MYO5B: variants seen among roughly 807,000 people sequenced by gnomAD.
The protein encoded by MYO5B is myosin VB, also known as unconventional myosin-Vb.
Under a neutral mutation model 229.3 loss-of-function variants are expected in MYO5B, and 143 were observed. The observed-to-expected ratio is 0.62, with a 90% CI of 0.54 to 0.72. The LOEUF (loss-of-function observed/expected upper bound fraction) is 0.72. Ranked by LOEUF, MYO5B falls within the 30% of genes least tolerant of loss-of-function variation. The probability of loss-of-function intolerance (pLI) is 0.00; values close to 1 mark genes in which losing one functional copy is unlikely to be tolerated. For missense variants in MYO5B, 2,321 were observed against 2,331.0 expected (o/e 1.00, Z 0.09); for synonymous variants, 918 against 885.2 (o/e 1.04, Z -0.66).
At chr18:49,888,546 C>T (rs1267860341) in intron 22 of MYO5B, among the ~76,000 whole-genome samples, 1 of 152,166 alleles carries the variant, frequency 6.6e-6, no homozygotes, top group Non-Finnish European at 1.5e-5. Context: ...AAGAGTTCTA[C>T]GTTGCCAAAA....
chr18:49,931,279 C>A (rs1468489075), intron 16 of MYO5B, among the ~76,000 whole-genome samples: 1 of 152,266 alleles, frequency 6.6e-6, no homozygotes, highest in Non-Finnish European at 1.5e-5. Flanking sequence ...CGTTGCACAT[C>A]AGCCCTGGGT....
At chr18:49,862,347 A>G (rs1171633870) in intron 29 of MYO5B, among the ~76,000 whole-genome samples, 2 of 152,170 alleles carry the variant, frequency 1.3e-5, no homozygotes, top group East Asian at 1.9e-4. Context: ...GAAGCAGATG[A>G]TAACAACAGT....
chr18:50,134,600 ATAAT>A (rs1470853662), intron 1 of MYO5B, among the ~76,000 whole-genome samples: 7 of 134,590 alleles, frequency 5.2e-5, no homozygotes, highest in Non-Finnish European at 9.8e-5. Flanking sequence ...AAATAAATAA[ATAAT>A]AGCAGCCTCA....
At chr18:50,000,100 A>G (rs916664600) in intron 5 of MYO5B, among the ~76,000 whole-genome samples, 1 of 152,224 alleles carries the variant, frequency 6.6e-6, no homozygotes. Flanking sequence ...TGGATAATCA[A>G]TGAACCCCTG....
At chr18:49,845,729 T>C (rs2024117134) in intron 33 of MYO5B, among the ~76,000 whole-genome samples, 2 of 152,308 alleles carry the variant, frequency 1.3e-5, no homozygotes, top group South Asian at 2.1e-4. Context: ...TCTAAGACTC[T>C]TCCTGGCTCT....
At chr18:49,935,116 T>C (rs1207872202) in intron 16 of MYO5B, among the ~76,000 whole-genome samples, 6 of 151,574 alleles carry the variant, frequency 4.0e-5, no homozygotes, top group Non-Finnish European at 8.8e-5. Flanking sequence ...TGGAACAAGG[T>C]GAATAAGGAA....
intron 27 of MYO5B, among the ~76,000 whole-genome samples, chr18:49,868,334 C>T (rs1014405102): frequency 5.9e-5 from 9 of 152,036 alleles, no homozygotes; most frequent in Non-Finnish European, 8.8e-5. Context: ...AAAAAACACT[C>T]GAAGGATCTT....
intron 1 of MYO5B, among the ~76,000 whole-genome samples, chr18:50,171,782 G>T (rs1174994520): frequency 7.9e-6 from 1 of 127,262 alleles, no homozygotes; most frequent in Non-Finnish European, 1.7e-5. Context: ...ACCATAAATG[G>T]TTATTGTTTA....
At chr18:50,032,685 G>A (rs2026402789) in intron 4 of MYO5B, among the ~76,000 whole-genome samples, 1 of 152,182 alleles carries the variant, frequency 6.6e-6, no homozygotes, top group East Asian at 1.9e-4. Context: ...GTAAGCTTTT[G>A]TGTAAATATG....
chr18:50,039,045 T>C (rs576379729), intron 3 of MYO5B, among the ~76,000 whole-genome samples: 2 of 151,838 alleles, frequency 1.3e-5, no homozygotes, highest in South Asian at 4.2e-4. Context: ...CAAACCAAAG[T>C]GGAATATAAA....
chr18:49,913,032 TC>T lies in MYO5B; in HGVS notation c.2091-860del, dbSNP rs544638565. Among the ~76,000 whole-genome samples the T allele has an allele frequency of 5.7e-3, 866 of 152,322 alleles. 6 individuals carry two copies. Among genetic ancestry groups the T allele is most frequent in the Non-Finnish European group, 9.2e-3 (628 of 68,030 alleles). ...TAATCAGTATAGAAGGAACCATTTT[TC>T]TCCCCAAAGTAGATTTTGCTTATGA... On this transcript the variant is annotated intron_variant, in intron 17 of 39. Coordinates refer to ENST00000285039, the MANE Select transcript of MYO5B (RefSeq NM_001080467.3).
At chr18:50,001,019 G>A (rs1378353867) in intron 5 of MYO5B, among the ~76,000 whole-genome samples, 1 of 152,204 alleles carries the variant, frequency 6.6e-6, no homozygotes, top group Non-Finnish European at 1.5e-5. Context: ...ACAGCATTCA[G>A]CAGAGTCAAG....
In MYO5B at chr18:50,118,281, C is replaced by T. The variant is rs1403875783; in HGVS notation, c.28-62903G>A. Reference sequence around the variant, plus strand: ...ATAGGACCAGCAGACCTATGGCTGCCGCTGCAGAAAAACAAATCTTAGATA... The same window carrying T: ...ATAGGACCAGCAGACCTATGGCTGCTGCTGCAGAAAAACAAATCTTAGATA... On this transcript the variant is annotated intron_variant, in intron 1 of 39. Transcript: ENST00000285039. 2.0e-5 allele frequency among the ~76,000 whole-genome samples: 3 copies of T among 152,258 alleles called. No homozygotes were observed. The East Asian group carries it at 5.8e-4, about 29-fold the overall frequency.
rs375397981 is a variant in MYO5B, at chr18:49,879,069, A to G, written c.3152T>C (p.Val1051Ala). The change falls in exon 24 of 40, where the codon GTG becomes GCG. Residue 1051 changes from valine to alanine, a missense_variant. Val to Ala is a moderately conservative substitution (Grantham distance 64). Transcript: ENST00000285039. ...TTCTTTCTTCATGAGATTTTCCTTCACAGAGTTCTGGGCAAATTCATCTGG... is the reference window on the plus strand; with the variant it reads ...TTCTTTCTTCATGAGATTTTCCTTCGCAGAGTTCTGGGCAAATTCATCTGG... The part of the protein sequence containing the change: ...QSKDEFAQNS[V>A]KENLMKKELE... 8.1e-6 allele frequency: 13 copies of G among 1,613,842 alleles called. No individual in the cohort carries two copies. Among genetic ancestry groups the G allele is most frequent in the African/African-American group, 4.0e-5 (3 of 74,818 alleles).
intron 14 of MYO5B, among the ~76,000 whole-genome samples, chr18:49,939,038 G>A (rs116992562): frequency 3.9e-5 from 6 of 152,068 alleles, no homozygotes; most frequent in Non-Finnish European, 2.9e-5. Flanking sequence ...GACTGAATGA[G>A]AGAATCCGTG....
chr18:50,075,378 T>C (rs1301433380), intron 1 of MYO5B, among the ~76,000 whole-genome samples: 1 of 152,184 alleles, frequency 6.6e-6, no homozygotes, highest in Non-Finnish European at 1.5e-5. Flanking sequence ...CACAGGAGTA[T>C]ACCATGAATT....
intron 2 of MYO5B, 43 bp downstream of exon 2, chr18:50,055,225 G>GGGCCCCCCGCC: frequency 1.4e-6 from 1 of 700,376 alleles, no homozygotes. Context: ...TGAGCTCCCT[G>GGGCCCCCCGCC]CCCCACCTCA....
At chr18:50,068,418 T>C (rs2030874949) in intron 1 of MYO5B, among the ~76,000 whole-genome samples, 1 of 152,192 alleles carries the variant, frequency 6.6e-6, no homozygotes, top group Non-Finnish European at 1.5e-5. Context: ...GCCCCTGCCA[T>C]TGCCCTGGCT....
chr18:49,863,773 G>A (rs1489235612), intron 28 of MYO5B, among the ~76,000 whole-genome samples: 2 of 152,186 alleles, frequency 1.3e-5, no homozygotes, highest in Non-Finnish European at 2.9e-5. Flanking sequence ...CCCAGAAAGT[G>A]AGAACATTAG....
Sources: allele counts gnomAD v4.1 joint callset (sites outside exome capture counted in the v4.1 genomes callset), GRCh38; gene constraint gnomAD v4.1.1; transcripts MANE v1.5; gene names NCBI Gene and HGNC (gene_info 2026-07-23, HGNC 2026-07-21).